The following TSHZ3 variants were observed in gnomAD, a reference collection of about 807,000 sequenced individuals.
TSHZ3 encodes the protein teashirt homolog 3.
TSHZ3 carries 10 observed loss-of-function variants against 64.5 expected under a neutral mutation model. The observed-to-expected ratio is 0.16, with a 90% confidence interval of 0.10 to 0.26. TSHZ3 has a LOEUF of 0.26. TSHZ3 is among the 10% of genes least tolerant of loss of function. The probability of loss-of-function intolerance (pLI) is 1.00; values close to 1 mark genes in which losing one functional copy is unlikely to be tolerated. For missense variants in TSHZ3, 1,242 were observed against 1,421.7 expected, an observed-to-expected ratio of 0.87 and a Z score of 2.03; for synonymous variants, 608 against 593.1, an observed-to-expected ratio of 1.03 and a Z score of -0.36.
intron 5 of TSHZ3, among the ~76,000 whole-genome samples, chr19:31,162,919 A>G (rs1974389304): frequency 6.6e-6 from 1 of 152,178 alleles, no homozygotes; most frequent in East Asian, 1.9e-4. Context: ...ACTTTGTCTC[A>G]GGTCCTGTGC....
chr19:31,316,150 C>CATA (rs1374406645), intron 1 of TSHZ3, among the ~76,000 whole-genome samples: 2 of 152,128 alleles, frequency 1.3e-5, no homozygotes, highest in Admixed American at 1.3e-4. Flanking sequence ...AGGAGGATCT[C>CATA]AAAGTCTTCA....
intron 5 of TSHZ3, among the ~76,000 whole-genome samples, chr19:31,197,126 T>C (rs377027139): frequency 6.6e-6 from 1 of 151,926 alleles, no homozygotes. Flanking sequence ...CAGACCACAA[T>C]GCAATTAAAC....
At chr19:31,350,646 G>A (rs1395536563), upstream of TSHZ3, among the ~76,000 whole-genome samples, 1 of 151,476 alleles carries the variant, frequency 6.6e-6, no homozygotes, top group Non-Finnish European at 1.5e-5. Context: ...CTCCGGGCCG[G>A]CCCGGCCGAC....
chr19:31,279,016 T>C lies in TSHZ3; in HGVS notation c.777A>G (p.Lys259=). The change falls in exon 2 of 2, where the codon AAA becomes AAG. Residue 259 remains lysine, a synonymous_variant. Coordinates refer to ENST00000240587, the MANE Select transcript of TSHZ3 (RefSeq NM_020856.4). The surrounding 1 kb of genome is among the most constrained non-coding windows in gnomAD (Gnocchi z 6.4). ...NNPKRWSKPR[K]RSLLEMEGKE... ...TCCCTTCCATTTCCAGCAAGGAGCG[T>C]TTGCGAGGCTTGGACCAGCGCTTGG... 1.2e-6 allele frequency: 2 copies of C among 1,613,918 alleles called. No homozygotes were observed. The highest frequency in any genetic ancestry group is 1.7e-6 in the Non-Finnish European group (2 of 1,179,804).
intron 4 of TSHZ3, among the ~76,000 whole-genome samples, chr19:31,225,856 G>A (rs1975452557): frequency 6.6e-6 from 1 of 152,076 alleles, no homozygotes; most frequent in Non-Finnish European, 1.5e-5. Context: ...GCTGGGCACG[G>A]TGGCTCATGC....
chr19:31,200,451 A>C (rs978142204), intron 5 of TSHZ3, among the ~76,000 whole-genome samples: 3 of 152,188 alleles, frequency 2.0e-5, no homozygotes, highest in African/African-American at 7.2e-5. Flanking sequence ...TTAAATGCAT[A>C]TCATTAAGTA....
intron 1 of TSHZ3, among the ~76,000 whole-genome samples, chr19:31,298,654 C>G (rs1200214801): frequency 6.6e-6 from 1 of 152,114 alleles, no homozygotes; most frequent in Non-Finnish European, 1.5e-5. Flanking sequence ...CACATGATCG[C>G]TGCCCAGCTA....
At chr19:31,339,263 A>AG (rs995632114) in intron 1 of TSHZ3, among the ~76,000 whole-genome samples, 1 of 151,944 alleles carries the variant, frequency 6.6e-6, no homozygotes, top group African/African-American at 2.4e-5. Context: ...GGAATGAGAA[A>AG]GGGGGGAAAA....
At chr19:31,168,867 A>G (rs1254397867) in intron 5 of TSHZ3, among the ~76,000 whole-genome samples, 10 of 152,194 alleles carry the variant, frequency 6.6e-5, no homozygotes, top group African/African-American at 2.4e-4. Context: ...TGGGGTGTAT[A>G]AAAAGCAACT....
chr19:31,276,664 G>A lies in TSHZ3; in HGVS notation c.3129C>T (p.Cys1043=). The A allele has an allele frequency of 6.2e-7, 1 of 1,613,678 alleles. No homozygotes were observed. Among genetic ancestry groups the A allele is most frequent in the Non-Finnish European group, 8.5e-7 (1 of 1,179,604 alleles). ...TGGCAAAGGTCCGATTGCAAAGTTT[G>A]CACTGATAGGAAGTCCCCAGGTCTT... The part of the protein sequence containing the change: ...PEEDLGTSYQ[C]KLCNRTFASK... The change falls in exon 2 of 2, where the codon TGC becomes TGT. Residue 1043 remains cysteine, a synonymous_variant. Coordinates refer to ENST00000240587, the MANE Select transcript of TSHZ3 (RefSeq NM_020856.4).
At chr19:31,298,920 C>T (rs1256840729) in intron 1 of TSHZ3, among the ~76,000 whole-genome samples, 1 of 152,172 alleles carries the variant, frequency 6.6e-6, no homozygotes, top group Non-Finnish European at 1.5e-5. Context: ...CACAGCTGGG[C>T]ACGGTGGCTC....
chr19:31,207,948 T>C (rs1354826382), intron 4 of TSHZ3, among the ~76,000 whole-genome samples: 1 of 152,196 alleles, frequency 6.6e-6, no homozygotes, highest in Non-Finnish European at 1.5e-5. Flanking sequence ...GACCTGTGTG[T>C]TACCCAGGAC....
chr19:31,285,968 G>A (rs376640120), intron 1 of TSHZ3, among the ~76,000 whole-genome samples: 12 of 152,204 alleles, frequency 7.9e-5, no homozygotes, highest in African/African-American at 2.9e-4. Flanking sequence ...CAAACCAACA[G>A]CTGCAAAGAT....
chr19:31,249,289 G>A (rs936109104), intron 1 of TSHZ3, among the ~76,000 whole-genome samples: 6 of 152,224 alleles, frequency 3.9e-5, no homozygotes, highest in Non-Finnish European at 8.8e-5. Flanking sequence ...TATTCAGAGG[G>A]GCAGGATAGC....
At chr19:31,349,531 G>T, upstream of TSHZ3, 1 of 321,890 alleles carries the variant, frequency 3.1e-6, no homozygotes, top group South Asian at 1.2e-4. Flanking sequence ...GGACCGCGCT[G>T]CCGGCGGAAT....
intron 5 of TSHZ3, among the ~76,000 whole-genome samples, chr19:31,197,747 A>G (rs1456196687): frequency 6.6e-6 from 1 of 152,002 alleles, no homozygotes; most frequent in Non-Finnish European, 1.5e-5. Context: ...TAAAACTCAT[A>G]TAAGGAGAAA....
intron 3 of TSHZ3, among the ~76,000 whole-genome samples, chr19:31,229,444 C>T (rs1441802623): frequency 6.6e-6 from 1 of 152,014 alleles, no homozygotes; most frequent in Non-Finnish European, 1.5e-5. Flanking sequence ...CTGCGAAACA[C>T]TAAAGATAAA....
intron 1 of TSHZ3, among the ~76,000 whole-genome samples, chr19:31,332,468 T>G (rs1324371893): frequency 6.6e-6 from 1 of 152,174 alleles, no homozygotes. Context: ...TCACATTTTT[T>G]GGAGCCACGA....
At chr19:31,242,087 C>G (rs947931579) in intron 3 of TSHZ3, among the ~76,000 whole-genome samples, 1 of 152,188 alleles carries the variant, frequency 6.6e-6, no homozygotes, top group African/African-American at 2.4e-5. Context: ...GAAATGCATA[C>G]TTCTCTACTT....
Sources: allele counts gnomAD v4.1 joint callset (sites outside exome capture counted in the v4.1 genomes callset), GRCh38; gene constraint gnomAD v4.1.1; non-coding constraint Gnocchi (gnomAD v3.1); transcripts MANE v1.5; gene names NCBI Gene and HGNC (gene_info 2026-07-23, HGNC 2026-07-21).